Variants in RAB3GAP1 observed in about 807,000 individuals in gnomAD.
The protein encoded by RAB3GAP1 is rab3 GTPase-activating protein catalytic subunit.
RAB3GAP1 carries 86 observed loss-of-function variants against 130.7 expected under a neutral mutation model. That is an observed-to-expected ratio of 0.66 (90% CI 0.55 to 0.79). The LOEUF (loss-of-function observed/expected upper bound fraction) is 0.79. Among genes scored for constraint, RAB3GAP1 ranks in the 30% least tolerant of loss-of-function variants. The pLI, the probability that RAB3GAP1 is intolerant of heterozygous loss-of-function variation, is 0.00. For synonymous variants in RAB3GAP1, 367 were observed against 401.7 expected (o/e 0.91, Z 1.03); for missense variants, 1,029 against 1,169.4 (o/e 0.88, Z 1.75).
chr2:135,076,166 C>T (rs796448233), intron 3 of RAB3GAP1, among the ~76,000 whole-genome samples: 15 of 152,190 alleles, frequency 9.9e-5, no homozygotes, highest in African/African-American at 3.1e-4. Context: ...CCTCAGCCTC[C>T]GAAAGTGCTG....
intron 11 of RAB3GAP1, among the ~76,000 whole-genome samples, chr2:135,128,931 G>A (rs1691435001): frequency 6.6e-6 from 1 of 152,148 alleles, no homozygotes; most frequent in Non-Finnish European, 1.5e-5. Flanking sequence ...CAGGTGGATT[G>A]CTTGAGCCCG....
At chr2:135,133,598 A>T (rs2104947990) in intron 14 of RAB3GAP1, among the ~76,000 whole-genome samples, 1 of 152,280 alleles carries the variant, frequency 6.6e-6, no homozygotes, top group Non-Finnish European at 1.5e-5. Context: ...AATACTTCCT[A>T]AATATTCCAC....
intron 23 of RAB3GAP1, chr2:135,167,772 A>G (rs1692700286): frequency 2.2e-6 from 3 of 1,392,946 alleles, no homozygotes; most frequent in African/African-American, 1.4e-5. Flanking sequence ...CTCTAATTTC[A>G]TAAGGTCATT....
At chr2:135,068,787 T>A (rs1267305797) in intron 3 of RAB3GAP1, among the ~76,000 whole-genome samples, 1 of 152,188 alleles carries the variant, frequency 6.6e-6, no homozygotes, top group Non-Finnish European at 1.5e-5. Context: ...TCCATGCTTA[T>A]TTTAGACACT....
At chr2:135,096,896 C>T (rs1004468737) in intron 5 of RAB3GAP1, among the ~76,000 whole-genome samples, 6 of 152,014 alleles carry the variant, frequency 3.9e-5, no homozygotes, top group Admixed American at 6.6e-5. Context: ...GTATGTATTT[C>T]CTCACTGTTA....
At chr2:135,058,120 A>G (rs774465843) in intron 3 of RAB3GAP1, 34 bp downstream of exon 3, 27 of 1,545,336 alleles carry the variant, frequency 1.7e-5, no homozygotes, top group South Asian at 2.2e-5. Context: ...CTAAATGACT[A>G]TTTACTTTGA....
chr2:135,094,973 T>A (rs980762328), intron 5 of RAB3GAP1, among the ~76,000 whole-genome samples: 2 of 152,210 alleles, frequency 1.3e-5, no homozygotes, highest in African/African-American at 4.8e-5. Context: ...TGATTCCATA[T>A]CTTGGTTATT....
chr2:135,132,870 G>GATT (rs1254581727), intron 13 of RAB3GAP1, 25 bp from the exon 14 acceptor site: 1 of 1,322,258 alleles, frequency 7.6e-7, no homozygotes, highest in African/African-American at 1.4e-5. Context: ...TCTAAAATGT[G>GATT]ATTATTTTTT....
intron 5 of RAB3GAP1, among the ~76,000 whole-genome samples, chr2:135,099,897 G>A (rs542411804): frequency 1.9e-4 from 29 of 152,196 alleles, no homozygotes; most frequent in African/African-American, 5.1e-4. Flanking sequence ...AAGCTTGTGC[G>A]TTTAGGTTAT....
intron 3 of RAB3GAP1, among the ~76,000 whole-genome samples, chr2:135,069,339 G>T (rs1044083288): frequency 6.6e-6 from 1 of 152,098 alleles, no homozygotes; most frequent in Non-Finnish European, 1.5e-5. Flanking sequence ...CTTCTGGATG[G>T]TCTTGTACCT....
chr2:135,055,998 G>A (rs891472143), intron 2 of RAB3GAP1, among the ~76,000 whole-genome samples: 13 of 151,750 alleles, frequency 8.6e-5, no homozygotes, highest in African/African-American at 2.9e-4. Flanking sequence ...CACCACGCCC[G>A]GCTAATTTTT....
intron 7 of RAB3GAP1, among the ~76,000 whole-genome samples, chr2:135,117,245 A>G (rs1221792632): frequency 4.6e-5 from 7 of 152,176 alleles, no homozygotes; most frequent in Admixed American, 6.5e-5. Context: ...CTGAAGTGCT[A>G]TAGGTACTGC....
intron 3 of RAB3GAP1, among the ~76,000 whole-genome samples, chr2:135,060,336 C>T (rs1048218778): frequency 2.7e-5 from 4 of 148,780 alleles, no homozygotes; most frequent in South Asian, 4.2e-4. Context: ...CTCAGCTCAC[C>T]GCAACCTCCA....
intron 11 of RAB3GAP1, among the ~76,000 whole-genome samples, chr2:135,127,890 A>G (rs1691404564): frequency 6.6e-6 from 1 of 152,034 alleles, no homozygotes; most frequent in Admixed American, 6.6e-5. Flanking sequence ...TATCTCTTCC[A>G]TGAAGTCTTT....
intron 5 of RAB3GAP1, among the ~76,000 whole-genome samples, chr2:135,102,048 A>T (rs576019609): frequency 6.6e-6 from 1 of 152,242 alleles, no homozygotes; most frequent in African/African-American, 2.4e-5. Context: ...ACCTGTGGAT[A>T]TAAGTTATGT....
chr2:135,114,131 T>C (rs1370287916), intron 6 of RAB3GAP1, among the ~76,000 whole-genome samples: 1 of 152,212 alleles, frequency 6.6e-6, no homozygotes, highest in Non-Finnish European at 1.5e-5. Context: ...TGGAATTTGG[T>C]ATATAAGGAC....
chr2:135,128,037 A>T (rs1255534254), intron 11 of RAB3GAP1, among the ~76,000 whole-genome samples: 1 of 152,166 alleles, frequency 6.6e-6, no homozygotes, highest in Non-Finnish European at 1.5e-5. Context: ...CATTTAACTG[A>T]TGGAGTTACC....
At chr2:135,117,639 TCTTCTTCTG>T (rs1558784558) in intron 7 of RAB3GAP1, among the ~76,000 whole-genome samples, 3 of 60,184 alleles carry the variant, frequency 5.0e-5, no homozygotes, top group Admixed American at 1.8e-4. Flanking sequence ...TGCTTCTGCT[TCTTCTTCTG>T]CTTCTGCTTC....
intron 18 of RAB3GAP1, among the ~76,000 whole-genome samples, chr2:135,152,662 G>C (rs1016456722): frequency 2.6e-5 from 4 of 152,150 alleles, no homozygotes; most frequent in African/African-American, 4.8e-5. Flanking sequence ...GGATCTTCTA[G>C]GGGATATGCC....
Sources: gnomAD v4.1 joint callset for allele counts (sites outside exome capture counted in the v4.1 genomes callset) on GRCh38, gnomAD v4.1.1 for gene constraint, MANE v1.5 for transcripts, NCBI Gene and HGNC (gene_info 2026-07-23, HGNC 2026-07-21) for gene names.